The following UBR4 variants were observed in gnomAD, a reference collection of about 807,000 sequenced individuals.
The protein encoded by UBR4 is E3 ubiquitin-protein ligase UBR4.
A neutral mutation model predicts 575.6 loss-of-function variants in UBR4; 124 were observed. The observed-to-expected ratio is 0.22, with a 90% CI of 0.19 to 0.25. The LOEUF is 0.25. UBR4 is among the 10% of genes least tolerant of loss of function. The pLI, the probability that UBR4 is intolerant of heterozygous loss-of-function variation, is 1.00. For synonymous variants in UBR4, 2,455 were observed against 2,473.7 expected (o/e 0.99, Z 0.22); for missense variants, 4,818 against 6,478.8 (o/e 0.74, Z 8.80).
intron 34 of UBR4, among the ~76,000 whole-genome samples, chr1:19,163,556 T>C (rs1050226920): frequency 6.6e-6 from 1 of 152,228 alleles, no homozygotes; most frequent in African/African-American, 2.4e-5. Context: ...TACCAGTATA[T>C]TTCCTTCCCA....
At chr1:19,131,083 A>T (rs931766452) in intron 60 of UBR4, among the ~76,000 whole-genome samples, 2 of 151,492 alleles carry the variant, frequency 1.3e-5, no homozygotes, top group Non-Finnish European at 2.9e-5. Context: ...TAATTTTTTT[A>T]TTTTTTGTAG....
chr1:19,153,744 T>C lies in UBR4; in HGVS notation c.6630+24A>G. On this transcript the variant is annotated intron_variant, in intron 45 of 105. Transcript: ENST00000375254. The surrounding 1 kb of genome is among the most constrained non-coding windows in gnomAD (Gnocchi z 4.1). The stretch of plus-strand genomic sequence containing the variant: ...AGAGACCAGGTTCACAGCAAAGTAA[T>C]GAATGGGAAAATCTGGCACTGACCT... 6.2e-7 allele frequency: 1 copy of C among 1,607,450 alleles called. No individual in the cohort carries two copies. The highest frequency in any genetic ancestry group is 1.7e-5 in the Admixed American group (1 of 58,982).
At chr1:19,193,228 T>C (rs2092238342) in intron 9 of UBR4, among the ~76,000 whole-genome samples, 2 of 152,230 alleles carry the variant, frequency 1.3e-5, no homozygotes, top group Admixed American at 1.3e-4. Flanking sequence ...AAGTGTGTTC[T>C]ACAGAGATAG....
intron 64 of UBR4, among the ~76,000 whole-genome samples, chr1:19,126,024 G>C (rs2081724631): frequency 6.6e-6 from 1 of 152,158 alleles, no homozygotes; most frequent in Non-Finnish European, 1.5e-5. Flanking sequence ...AGACTGGTAA[G>C]TAAGAACACA....
chr1:19,148,744 A>C, intron 49 of UBR4, 118 bp from the exon 50 acceptor site: 2 of 1,083,144 alleles, frequency 1.8e-6, no homozygotes, highest in Non-Finnish European at 2.8e-6. Context: ...CAAATACAAA[A>C]TCAAAGCACA....
In UBR4 at chr1:19,115,553, C is replaced by G; in HGVS notation, c.10908G>C (p.Val3636=). ...EVKIDLPLPI[V]ASNLMIEFAD... ...CAAACTCAATCATCAGATTGGAGGC[C>G]ACAATGGGCAACGGCAGGTCAATCT... is the stretch of plus-strand genomic sequence containing the variant. The change falls in exon 74 of 106, where the codon GTG becomes GTC. Residue 3636 remains valine, a synonymous_variant. Coordinates refer to ENST00000375254, the MANE Select transcript of UBR4 (RefSeq NM_020765.3). The G allele has an allele frequency of 6.2e-7, 1 of 1,614,196 alleles. No individual in the cohort carries two copies. Among genetic ancestry groups the G allele is most frequent in the Non-Finnish European group, 8.5e-7 (1 of 1,180,032 alleles).
intron 44 of UBR4, 110 bp from the exon 45 acceptor site, chr1:19,154,049 CT>C: frequency 1.6e-6 from 2 of 1,228,232 alleles, no homozygotes; most frequent in Non-Finnish European, 2.3e-6. Context: ...AAGCAATATC[CT>C]TGGCCAGGGA....
At chr1:19,090,973 T>C (rs1369276725) in intron 97 of UBR4, among the ~76,000 whole-genome samples, 1 of 151,858 alleles carries the variant, frequency 6.6e-6, no homozygotes, top group East Asian at 1.9e-4. Context: ...GCAGGTGCCT[T>C]TAGTTCCAGC....
rs754572514 is a variant in UBR4 at position 19,119,602 on chromosome 1, G to C, written c.10410C>G (p.Asp3470Glu). The C allele has an allele frequency of 6.2e-7, 1 of 1,613,992 alleles. No individual in the cohort carries two copies. Among genetic ancestry groups the C allele is most frequent in the Non-Finnish European group, 8.5e-7 (1 of 1,179,896 alleles). Reference sequence around the variant, plus strand: ...TTTTCAGGGAGAAATATCCTAGTAGGTCCACAAACTGGGCAGCCTTACGAC... The same window carrying C: ...TTTTCAGGGAGAAATATCCTAGTAGCTCCACAAACTGGGCAGCCTTACGAC... ...AYGRKAAQFV[D>E]LLGYFSLKTP... Residue 3470 changes from aspartate to glutamate, a missense_variant, in exon 70 of 106, where the codon GAC becomes GAG. Around this residue, in one of 29 missense-constraint regions of UBR4, gnomAD observed 550 missense variants for 791.5 expected, o/e 0.69. Transcript: ENST00000375254.
At chr1:19,104,358 CTA>C in intron 86 of UBR4, 101 bp from the exon 87 acceptor site, 2 of 1,452,462 alleles carry the variant, frequency 1.4e-6, no homozygotes, top group South Asian at 1.3e-5. Context: ...CAGGGAAAAT[CTA>C]TCTTTGTGCA....
chr1:19,122,554 C>T (rs1157230887), intron 66 of UBR4, among the ~76,000 whole-genome samples: 1 of 152,164 alleles, frequency 6.6e-6, no homozygotes, highest in Non-Finnish European at 1.5e-5. Context: ...AGGATGTAAG[C>T]AAATGGCACT....
In UBR4 at chr1:19,161,123, T is replaced by G; in HGVS notation, c.5200A>C (p.Ser1734Arg). The G allele has an allele frequency of 6.2e-7, 1 of 1,614,114 alleles. No individual in the cohort carries two copies. Among genetic ancestry groups the G allele is most frequent in the Non-Finnish European group, 8.5e-7 (1 of 1,179,998 alleles). The change falls in exon 38 of 106, where the codon AGT becomes CGT. Residue 1734 changes from serine (S) to arginine (R), a missense_variant. Physicochemically the swap from Ser to Arg is moderately radical, Grantham distance 110 (BLOSUM62 -1). Coordinates refer to ENST00000375254, the MANE Select transcript of UBR4 (RefSeq NM_020765.3). ...TCCTTCATGGTAGAGCTCATGCCAC[T>G]GCTAGGAGTTCTCTTCACCAGAGCC... ...CLALVKRTPSSGMSSTMKESA... is the reference protein window; with the variant it reads ...CLALVKRTPSRGMSSTMKESA...
At chr1:19,197,392 G>T in intron 7 of UBR4, 127 bp from the exon 8 acceptor site, 1 of 1,354,590 alleles carries the variant, frequency 7.4e-7, no homozygotes, top group Non-Finnish European at 1.0e-6. Context: ...ACTTCAGGAG[G>T]CCAAGGCAGG....
At chr1:19,094,804 C>G in intron 94 of UBR4, 102 bp downstream of exon 94, 1 of 1,487,728 alleles carries the variant, frequency 6.7e-7, no homozygotes, top group Admixed American at 2.1e-5. Flanking sequence ...CAGGCTCCGC[C>G]ATTCTCAGGT....
rs139302153 is a variant in UBR4 at position 19,112,694 on chromosome 1, C to T, written c.11631G>A (p.Ser3877=). The stretch of plus-strand genomic sequence containing the variant: ...GTGTGATACAATGTTCTGTGACAGC[C>T]GAGGCGCAGCCATAGCACTTGGTGG... ...TSSTKCYGCA[S]AVTEHCITLL... The change falls in exon 78 of 106, where the codon TCG becomes TCA. Residue 3877 remains serine, a synonymous_variant. Coordinates refer to ENST00000375254, the MANE Select transcript of UBR4 (RefSeq NM_020765.3). 139 of 1,614,260 alleles carry T rather than the reference C, an allele frequency of 8.6e-5. No individual in the cohort carries two copies. The African/African-American group carries it at 1.5e-3, about 17-fold the overall frequency.
intron 14 of UBR4, among the ~76,000 whole-genome samples, chr1:19,186,224 T>C (rs937198729): frequency 6.6e-6 from 1 of 152,174 alleles, no homozygotes; most frequent in Non-Finnish European, 1.5e-5. Context: ...TGAGAAAGCT[T>C]AGAGCAGAGG....
intron 75 of UBR4, among the ~76,000 whole-genome samples, chr1:19,114,381 C>T (rs1185044998): frequency 6.6e-6 from 1 of 152,206 alleles, no homozygotes; most frequent in African/African-American, 2.4e-5. Flanking sequence ...AAATGTTCTT[C>T]TGTTAACCCT....
intron 101 of UBR4, 39 bp from the exon 102 acceptor site, chr1:19,084,737 T>C: frequency 6.4e-7 from 1 of 1,563,330 alleles, no homozygotes; most frequent in East Asian, 2.3e-5. Context: ...TGGAAGTGAG[T>C]TCCTGGTGAA....
Position 19,117,339 on chromosome 1 carries a change from G to A in UBR4, c.10705C>T (p.His3569Tyr). ...TQQVVKLIGSHTISKVTVKIG... is the reference protein window; with the variant it reads ...TQQVVKLIGSYTISKVTVKIG... ...TTCACTGTCACTTTGCTGATGGTGTGACTGCCAATGAGCTTCACAACCTGC... is the reference window on the plus strand; with the variant it reads ...TTCACTGTCACTTTGCTGATGGTGTAACTGCCAATGAGCTTCACAACCTGC... The change falls in exon 73 of 106, where the codon CAC becomes TAC. Residue 3569 changes from histidine to tyrosine, a missense_variant. This residue lies in a region of UBR4 where 550 missense variants were observed against 791.5 expected (regional missense o/e 0.69). Transcript: ENST00000375254. The surrounding 1 kb of genome is among the most constrained non-coding windows in gnomAD (Gnocchi z 4.0). The A allele has an allele frequency of 6.2e-7, 1 of 1,614,168 alleles. No individual in the cohort carries two copies. Among genetic ancestry groups the A allele is most frequent in the South Asian group, 1.1e-5 (1 of 91,078 alleles).
Sources: gnomAD v4.1 joint callset for allele counts (sites outside exome capture counted in the v4.1 genomes callset) on GRCh38, gnomAD v4.1.1 for gene constraint, gnomAD v4.1.1 regional missense constraint, Gnocchi (gnomAD v3.1) non-coding constraint, MANE v1.5 for transcripts, NCBI Gene and HGNC (gene_info 2026-07-23, HGNC 2026-07-21) for gene names.